Variants in NUP93 observed in about 807,000 individuals in gnomAD.
The protein encoded by NUP93 is nucleoporin 93.
In NUP93, 55 loss-of-function variants were observed where a neutral mutation model predicts 107.8. That is an observed-to-expected ratio of 0.51 (90% CI 0.41 to 0.64). The LOEUF is 0.64. Ranked by LOEUF, NUP93 falls within the 30% of genes least tolerant of loss-of-function variation. NUP93 has a pLI of 0.00. For missense variants in NUP93, 937 were observed against 1,044.7 expected, an observed-to-expected ratio of 0.90 and a Z score of 1.42; for synonymous variants, 390 against 397.5, an observed-to-expected ratio of 0.98 and a Z score of 0.22.
chr16:56,808,004 A>G (rs1290995590), intron 5 of NUP93, among the ~76,000 whole-genome samples: 1 of 148,732 alleles, frequency 6.7e-6, no homozygotes, highest in African/African-American at 2.5e-5. Context: ...GCCTGGTGAC[A>G]AAAGGCAACT....
At chr16:56,841,564 G>C in intron 20 of NUP93, 141 bp from the exon 21 acceptor site, 1 of 984,936 alleles carries the variant, frequency 1.0e-6, no homozygotes, top group Non-Finnish European at 1.5e-6. Flanking sequence ...AGCTCCTTTT[G>C]GGTGACTGTG....
chr16:56,841,023 T>C (rs1222693167), intron 20 of NUP93, among the ~76,000 whole-genome samples: 1 of 152,092 alleles, frequency 6.6e-6, no homozygotes, highest in African/African-American at 2.4e-5. Flanking sequence ...AGTTTCTATT[T>C]TAGAGAAAGA....
intron 2 of NUP93, among the ~76,000 whole-genome samples, chr16:56,752,636 C>T (rs192663999): frequency 1.1e-3 from 161 of 151,982 alleles, no homozygotes; most frequent in African/African-American, 3.7e-3. Context: ...GATTTTTTGC[C>T]GAAAGTGACA....
At chr16:56,757,488 G>A (rs548684574) in intron 2 of NUP93, among the ~76,000 whole-genome samples, 9 of 152,012 alleles carry the variant, frequency 5.9e-5, no homozygotes, top group East Asian at 5.8e-4. Flanking sequence ...GACCCGACCC[G>A]ACCTGACCCG....
chr16:56,827,979 G>A (rs1963702633), intron 8 of NUP93, among the ~76,000 whole-genome samples: 1 of 152,044 alleles, frequency 6.6e-6, no homozygotes, highest in Admixed American at 6.5e-5. Context: ...AATTAGCTGG[G>A]CGTGGTGGCC....
At chr16:56,734,324 G>A (rs1217415809) in intron 1 of NUP93, among the ~76,000 whole-genome samples, 1 of 152,202 alleles carries the variant, frequency 6.6e-6, no homozygotes, top group Non-Finnish European at 1.5e-5. Context: ...AGATGCAGAG[G>A]AAACAGTGAC....
At chr16:56,801,881 G>C (rs1217515023) in intron 4 of NUP93, among the ~76,000 whole-genome samples, 1 of 152,132 alleles carries the variant, frequency 6.6e-6, no homozygotes, top group Non-Finnish European at 1.5e-5. Flanking sequence ...AATTAACAGG[G>C]AATGGTTAAT....
At chr16:56,768,203 T>C (rs1375194186) in intron 3 of NUP93, among the ~76,000 whole-genome samples, 2 of 152,214 alleles carry the variant, frequency 1.3e-5, no homozygotes, top group African/African-American at 2.4e-5. Context: ...TGTGTTTTTT[T>C]CTCCTTCCTT....
chr16:56,822,435 C>G (rs905749219), intron 7 of NUP93, among the ~76,000 whole-genome samples: 1 of 151,196 alleles, frequency 6.6e-6, no homozygotes, highest in Non-Finnish European at 1.5e-5. Context: ...TTGCCTGAGT[C>G]CGGGGGGGCC....
chr16:56,806,449 G>A (rs1291716536), intron 5 of NUP93, among the ~76,000 whole-genome samples: 1 of 151,984 alleles, frequency 6.6e-6, no homozygotes, highest in East Asian at 1.9e-4. Context: ...TCCAAACCTT[G>A]TTTGTTGAAA....
chr16:56,783,111 G>A (rs1442053019), intron 3 of NUP93, among the ~76,000 whole-genome samples: 2 of 152,142 alleles, frequency 1.3e-5, no homozygotes, highest in Admixed American at 6.5e-5. Flanking sequence ...TTAAAAAGCA[G>A]CTTGTTTGTT....
intron 6 of NUP93, among the ~76,000 whole-genome samples, 158 bp from the exon 7 acceptor site, chr16:56,821,346 C>A (rs1963537388): frequency 6.6e-6 from 1 of 152,182 alleles, no homozygotes; most frequent in African/African-American, 2.4e-5. Context: ...TTACCCACAA[C>A]CCCAACGCAA....
intron 3 of NUP93, among the ~76,000 whole-genome samples, chr16:56,767,377 T>G (rs1962234183): frequency 6.6e-6 from 1 of 152,240 alleles, no homozygotes; most frequent in South Asian, 2.1e-4. Flanking sequence ...AAGACATATT[T>G]GCAATGAAGA....
chr16:56,798,033 G>A (rs1962938213), intron 3 of NUP93, among the ~76,000 whole-genome samples: 1 of 152,204 alleles, frequency 6.6e-6, no homozygotes, highest in African/African-American at 2.4e-5. Context: ...GCCAACAAGT[G>A]AAAAGCACAT....
intron 13 of NUP93, among the ~76,000 whole-genome samples, chr16:56,833,827 C>G (rs1457210702): frequency 6.6e-6 from 1 of 152,036 alleles, no homozygotes; most frequent in South Asian, 2.1e-4. Context: ...GCTGCAGGTT[C>G]CTTATTGTTG....
At chr16:56,774,942 CAG>C (rs1962386637) in intron 3 of NUP93, among the ~76,000 whole-genome samples, 1 of 151,330 alleles carries the variant, frequency 6.6e-6, no homozygotes, top group Non-Finnish European at 1.5e-5. Context: ...CTCTGTTGCC[CAG>C]GCTGGAGTGC....
chr16:56,832,308 G>A lies in NUP93; in HGVS notation c.1265G>A (p.Cys422Tyr). Residue 422 changes from cysteine to tyrosine, a missense_variant, in exon 12 of 22, where the codon TGT becomes TAT. By Grantham distance (194) the Cys-to-Tyr change is radical. Coordinates refer to ENST00000308159, the MANE Select transcript of NUP93 (RefSeq NM_014669.5). ...DYLWLKLNQV[C>Y]FDDDGTSSPQ... The stretch of plus-strand genomic sequence containing the variant: ...TTGGGGATTTAGTTGAACCAAGTGT[G>A]TTTTGACGACGATGGCACCAGCTCC... 6.2e-7 allele frequency: 1 copy of A among 1,614,084 alleles called. No homozygotes were observed. The highest frequency in any genetic ancestry group is 8.5e-7 in the Non-Finnish European group (1 of 1,179,930).
At chr16:56,841,658 C>A in intron 20 of NUP93, 47 bp from the exon 21 acceptor site, 1 of 1,604,336 alleles carries the variant, frequency 6.2e-7, no homozygotes. Context: ...GTGGTTGGCC[C>A]CAAAGGCTTG....
chr16:56,801,701 A>G (rs148892220), intron 4 of NUP93, among the ~76,000 whole-genome samples: 53 of 152,268 alleles, frequency 3.5e-4, no homozygotes, highest in East Asian at 1.2e-3. Context: ...TTATCACACT[A>G]ATGGTAAATA....
Sources: allele counts gnomAD v4.1 joint callset (sites outside exome capture counted in the v4.1 genomes callset), GRCh38; gene constraint gnomAD v4.1.1; transcripts MANE v1.5; gene names NCBI Gene and HGNC (gene_info 2026-07-23, HGNC 2026-07-21).